The following SEC16B variants were observed in gnomAD, a reference collection of about 807,000 sequenced individuals.
SEC16B encodes the protein SEC16 homolog B, endoplasmic reticulum export factor.
A neutral mutation model predicts 141.8 loss-of-function variants in SEC16B; 115 were observed. The ratio of observed to expected loss-of-function variants is 0.81; its 90% CI spans 0.70 to 0.95. SEC16B has a LOEUF of 0.95. SEC16B is among the 40% of genes least tolerant of loss of function. The pLI is 0.00. For missense variants in SEC16B, 1,291 were observed against 1,312.3 expected (o/e 0.98, Z 0.25); for synonymous variants, 493 against 492.5 (o/e 1.00, Z -0.01).
Position 177,933,584 on chromosome 1 carries a change from G to A in SEC16B, c.2624C>T (p.Ala875Val), listed in dbSNP as rs1028969296. ...RSISESSASSAKEDEKESSDE... is the reference protein window; with the variant it reads ...RSISESSASSVKEDEKESSDE... ...AGAGGACTCCTTCTCATCCTCCTTG[G>A]CTGAACTGGCGGAACTCTCAGAAAT... is the stretch of plus-strand genomic sequence containing the variant. Residue 875 changes from alanine to valine, a missense_variant, in exon 21 of 26, where the codon GCC (alanine) becomes GTC (valine). Transcript: ENST00000308284. 2 of 1,613,954 alleles carry A rather than the reference G, an allele frequency of 1.2e-6. No individual in the cohort carries two copies. Among genetic ancestry groups the A allele is most frequent in the Non-Finnish European group, 1.7e-6 (2 of 1,179,842 alleles).
In SEC16B at chr1:177,969,866, G is replaced by A. The variant is rs1255641039; in HGVS notation, c.-59+18C>T. ...CAGCTCAAAGAGGGGAAAGAAGGGAGCGAGTGTTCCCACACACCTGCTCTG... is the reference window on the plus strand; with the variant it reads ...CAGCTCAAAGAGGGGAAAGAAGGGAACGAGTGTTCCCACACACCTGCTCTG... On this transcript the variant is annotated intron_variant, in intron 1 of 25. Coordinates refer to ENST00000308284, the MANE Select transcript of SEC16B (RefSeq NM_033127.4). The A allele has an allele frequency of 6.6e-6, 1 of 152,172 alleles. No individual in the cohort carries two copies. Among genetic ancestry groups the A allele is most frequent in the African/African-American group, 2.4e-5 (1 of 41,424 alleles). 9.4% of individuals were successfully genotyped at this position (152,172 alleles called of 1,614,324 possible).
At chr1:177,966,077 A>G in intron 2 of SEC16B, 72 bp from the exon 3 acceptor site, 1 of 878,548 alleles carries the variant, frequency 1.1e-6, no homozygotes, top group Admixed American at 2.3e-5. Flanking sequence ...GAAGAACTTG[A>G]CAAACTAAAC....
At chr1:177,978,229 G>A (rs1654254933) in intron 1 of SEC16B, among the ~76,000 whole-genome samples, 1 of 152,156 alleles carries the variant, frequency 6.6e-6, no homozygotes, top group South Asian at 2.1e-4. Flanking sequence ...GTATAATAAT[G>A]AATATCTTCA....
intron 2 of SEC16B, among the ~76,000 whole-genome samples, chr1:177,966,822 G>T (rs911558407): frequency 2.0e-5 from 3 of 152,126 alleles, no homozygotes; most frequent in Non-Finnish European, 2.9e-5. Context: ...TGATCTGCCT[G>T]CCTTGGCCTC....
chr1:177,932,686 AGGTGAC>A lies in SEC16B; in HGVS notation c.2932+6_2932+11del. The A allele has an allele frequency of 6.4e-7, 1 of 1,564,836 alleles. No individual in the cohort carries two copies. On this transcript the variant is annotated splice_donor_region_variant and intron_variant, in intron 23 of 25. Transcript: ENST00000308284. ...GACCACCCATGGCCCAGAGGACGTG[AGGTGAC>A]GGTACCTCTGCCCCTGGAGAAGGCA... is the stretch of plus-strand genomic sequence containing the variant.
In SEC16B at chr1:177,936,157, GA is replaced by G. The variant is rs772075838; in HGVS notation, c.2571+140del. ...GCCCAGCTCCCAGGAGTTGGAATAGGAAAAGGCAAGGCGAGATGTGGAAGAG... is the reference window on the plus strand; with the variant it reads ...GCCCAGCTCCCAGGAGTTGGAATAGGAAAGGCAAGGCGAGATGTGGAAGAG... On this transcript the variant is annotated intron_variant, in intron 20 of 25. Coordinates refer to ENST00000308284, the MANE Select transcript of SEC16B (RefSeq NM_033127.4). The G allele has an allele frequency of 1.3e-5, 9 of 687,804 alleles. No individual in the cohort carries two copies. The East Asian group carries it at 1.6e-4, about 13-fold the overall frequency. The allele number at this position is 687,804 out of a possible 1,614,324, so 42.6% of individuals were successfully genotyped here.
rs753890292 is a variant in SEC16B, at chr1:177,929,805, GA to G, written c.*52del. 3 of 1,590,878 alleles carry G rather than the reference GA, an allele frequency of 1.9e-6. No homozygotes were observed. The highest frequency in any genetic ancestry group is 2.6e-6 in the Non-Finnish European group (3 of 1,162,766). On this transcript the variant is annotated 3_prime_UTR_variant, in exon 26 of 26. Transcript: ENST00000308284. ...AGAGGGGCTGGGAGATTGAGAAAAAGAGAGCAAGAAAGTTTCAGTCCTGGGA... is the reference window on the plus strand; with the variant it reads ...AGAGGGGCTGGGAGATTGAGAAAAAGGAGCAAGAAAGTTTCAGTCCTGGGA...
At chr1:177,952,957 T>C (rs928038615) in intron 11 of SEC16B, among the ~76,000 whole-genome samples, 10 of 151,290 alleles carry the variant, frequency 6.6e-5, no homozygotes. Flanking sequence ...GGCCCACCAG[T>C]GGTGCAGCCA....
intron 1 of SEC16B, among the ~76,000 whole-genome samples, chr1:177,968,677 T>C (rs1653743280): frequency 6.6e-6 from 1 of 152,190 alleles, no homozygotes; most frequent in Admixed American, 6.5e-5. Context: ...AAGATGTTTA[T>C]TAAACAAAAA....
Position 177,944,606 on chromosome 1 carries a change from G to A in SEC16B, c.1836C>T (p.Tyr612=), listed in dbSNP as rs1651530412. 1 of 1,613,942 alleles carries A rather than the reference G, an allele frequency of 6.2e-7. No individual in the cohort carries two copies. ...EAIQRTEIFE[Y]CQMLGRPKSF... ...ATTTGGGGCGGCCCAGCATCTGACAGTACTCGAAGATTTCCGTCCTCTGGA... is the reference window on the plus strand; with the variant it reads ...ATTTGGGGCGGCCCAGCATCTGACAATACTCGAAGATTTCCGTCCTCTGGA... The change falls in exon 15 of 26, where the codon TAC becomes TAT. Residue 612 remains tyrosine (Y), a synonymous_variant. Transcript: ENST00000308284.
chr1:177,977,452 T>C (rs752750263), intron 1 of SEC16B, among the ~76,000 whole-genome samples: 3 of 152,228 alleles, frequency 2.0e-5, no homozygotes, highest in African/African-American at 7.2e-5. Context: ...TTATATAAGA[T>C]ACTAGAAGGT....
chr1:177,969,660 G>C (rs1036929162), intron 1 of SEC16B, among the ~76,000 whole-genome samples: 1 of 152,154 alleles, frequency 6.6e-6, no homozygotes, highest in African/African-American at 2.4e-5. Flanking sequence ...GCTGCCAAGA[G>C]ACATCAACTC....
At chr1:177,962,065 T>TATTC (rs1653109078) in intron 5 of SEC16B, among the ~76,000 whole-genome samples, 1 of 152,070 alleles carries the variant, frequency 6.6e-6, no homozygotes, top group Admixed American at 6.5e-5. Flanking sequence ...GCAATTCATG[T>TATTC]ATTCATTCAT....
At chr1:177,973,876 G>A (rs1023439362), upstream of SEC16B, among the ~76,000 whole-genome samples, 6 of 152,078 alleles carry the variant, frequency 3.9e-5, no homozygotes, top group African/African-American at 7.2e-5. Flanking sequence ...GAAGCACAGC[G>A]GAAAGCAGGA....
intron 1 of SEC16B, among the ~76,000 whole-genome samples, 160 bp downstream of exon 1, chr1:177,969,724 C>T (rs1032681850): frequency 6.6e-6 from 1 of 152,164 alleles, no homozygotes; most frequent in Admixed American, 6.5e-5. Context: ...CTTCGATTCT[C>T]AAAATGAAGG....
intron 6 of SEC16B, 91 bp from the exon 7 acceptor site, chr1:177,961,030 C>A: frequency 7.1e-7 from 1 of 1,409,862 alleles, no homozygotes; most frequent in Admixed American, 2.0e-5. Context: ...TATTTCTGCC[C>A]AAATTCTGCC....
chr1:177,940,162 C>G (rs1409384839), intron 17 of SEC16B, among the ~76,000 whole-genome samples: 2 of 152,184 alleles, frequency 1.3e-5, no homozygotes, highest in Non-Finnish European at 2.9e-5. Context: ...AATTACTGTT[C>G]CAATTACAAC....
intron 1 of SEC16B, among the ~76,000 whole-genome samples, chr1:177,976,261 G>A (rs755930254): frequency 2.0e-5 from 3 of 152,132 alleles, no homozygotes; most frequent in Admixed American, 6.5e-5. Context: ...CCCTAGGCTG[G>A]CAGAGGTGGC....
In SEC16B at chr1:177,943,112, C is replaced by T. The variant is rs182327793; in HGVS notation, c.1882-1072G>A. On this transcript the variant is annotated intron_variant, in intron 15 of 25. Coordinates refer to ENST00000308284, the MANE Select transcript of SEC16B (RefSeq NM_033127.4). The stretch of plus-strand genomic sequence containing the variant: ...AAGAGTAATGCCACAATGCCAGGCA[C>T]GCAGAAGCTAATCTCATTACTATCA... Among the ~76,000 whole-genome samples the T allele has an allele frequency of 3.7e-4, 56 of 152,150 alleles. 1 individual carries two copies. In the East Asian group the frequency reaches 7.5e-3, roughly 20 times the overall value.
Sources: gnomAD v4.1 joint callset for allele counts (sites outside exome capture counted in the v4.1 genomes callset) on GRCh38, gnomAD v4.1.1 for gene constraint, MANE v1.5 for transcripts, NCBI Gene and HGNC (gene_info 2026-07-23, HGNC 2026-07-21) for gene names.